Variants in ADCK5 observed in about 807,000 individuals in gnomAD.
The protein encoded by ADCK5 is aarF domain containing kinase 5.
ADCK5 carries 43 observed loss-of-function variants against 64.9 expected under a neutral mutation model. The observed-to-expected ratio is 0.66, with a 90% CI of 0.52 to 0.85. The LOEUF is 0.85. ADCK5 is among the 40% of genes least tolerant of loss of function. The probability of loss-of-function intolerance (pLI) is 0.00; values close to 1 mark genes in which losing one functional copy is unlikely to be tolerated. For synonymous variants in ADCK5, 434 were observed against 342.8 expected, an observed-to-expected ratio of 1.27 and a Z score of -2.94; for missense variants, 760 against 810.5, an observed-to-expected ratio of 0.94 and a Z score of 0.76.
intron 1 of ADCK5, among the ~76,000 whole-genome samples, chr8:144,377,130 C>T (rs1819397412): frequency 6.6e-6 from 1 of 152,268 alleles, no homozygotes; most frequent in African/African-American, 2.4e-5. Context: ...CCTTTCCACC[C>T]AAACCGTGAC....
At chr8:144,375,744 A>C in intron 1 of ADCK5, 1 of 793,678 alleles carries the variant, frequency 1.3e-6, no homozygotes, top group Non-Finnish European at 1.5e-6. Context: ...GACTGCACAC[A>C]CTCACCATAA....
At chr8:144,392,415 C>CCCGG in intron 12 of ADCK5, 30 bp from the exon 13 acceptor site, 3 of 1,320,092 alleles carry the variant, frequency 2.3e-6, no homozygotes, top group Non-Finnish European at 2.9e-6. Context: ...ACTCAGAGCC[C>CCCGG]CCTCCCTCCC....
rs1247231085 is a variant in ADCK5 at position 144,376,514 on chromosome 8, A to AG, written c.12+2408dup. Among the ~76,000 whole-genome samples the AG allele has an allele frequency of 6.6e-6, 1 of 152,184 alleles. No homozygotes were observed. Among genetic ancestry groups the AG allele is most frequent in the African/African-American group, 2.4e-5 (1 of 41,442 alleles). On this transcript the variant is annotated intron_variant, in intron 1 of 14. Coordinates refer to ENST00000308860, the MANE Select transcript of ADCK5 (RefSeq NM_174922.5). This position sits in a 1 kb window ranked among gnomAD's most constrained non-coding sequence, Gnocchi z 5.1. ...GAATGGGAGTGAGAGACGCAGCTGGAGCCCCTTCTGCAATGCTGGTTCCTG... is the reference window on the plus strand; with the variant it reads ...GAATGGGAGTGAGAGACGCAGCTGGAGGCCCCTTCTGCAATGCTGGTTCCTG...
rs1435774355 is a variant in ADCK5, at chr8:144,374,064, C to T, written c.-32C>T. The T allele has an allele frequency of 5.6e-6, 7 of 1,245,988 alleles. No homozygotes were observed. Among genetic ancestry groups the T allele is most frequent in the Non-Finnish European group, 6.1e-6 (6 of 988,418 alleles). The allele number at this position is 1,245,988 out of a possible 1,614,324, so 77.2% of individuals were successfully genotyped here. ...TGGGCTGCGAGACGCTAAGCGGCGC[C>T]GGGCGGGAGAAGAGCGGAGCAGTGG... On this transcript the variant is annotated 5_prime_UTR_variant, in exon 1 of 15. Coordinates refer to ENST00000308860, the MANE Select transcript of ADCK5 (RefSeq NM_174922.5).
chr8:144,392,412 G>GCCCCCCCCCCCCCCCCCCCCCCCCCCC, intron 12 of ADCK5, 33 bp from the exon 13 acceptor site: 1 of 1,475,032 alleles, frequency 6.8e-7, no homozygotes, highest in Non-Finnish European at 9.0e-7. Context: ...CCCACTCAGA[G>GCCCCCCCCCCCCCCCCCCCCCCCCCCC]CCCCCTCCCT....
Position 144,392,639 on chromosome 8 carries a change from C to A in ADCK5, c.1462C>A (p.Arg488Ser), listed in dbSNP as rs1554861422. The A allele has an allele frequency of 6.3e-7, 1 of 1,594,214 alleles. No individual in the cohort carries two copies. The highest frequency in any genetic ancestry group is 8.5e-7 in the Non-Finnish European group (1 of 1,173,186). Residue 488 changes from arginine (R) to serine (S), a missense_variant, in exon 13 of 15, where the codon CGC becomes AGC. Physicochemically the swap from Arg to Ser is moderately radical, Grantham distance 110 (BLOSUM62 -1). Transcript: ENST00000308860. ...GGTGCTGCGCAACATCAACACCGTG[C>A]GCGCTATCAACGTGGCCCTCGGCGC... The part of the protein sequence containing the change: ...LLVLRNINTV[R>S]AINVALGAPV...
intron 3 of ADCK5, among the ~76,000 whole-genome samples, chr8:144,386,908 CTGTT>C (rs1184506821): frequency 3.3e-5 from 5 of 152,250 alleles, no homozygotes; most frequent in Admixed American, 6.5e-5. Flanking sequence ...GGTCAGTCCT[CTGTT>C]TGGGTAAAGT....
In ADCK5 at chr8:144,391,874, C is replaced by T. The variant is rs782160430; in HGVS notation, c.1014+8C>T. On this transcript the variant is annotated splice_region_variant and intron_variant, in intron 9 of 14. Transcript: ENST00000308860. Reference sequence around the variant, plus strand: ...GGGCTGGCAGTGCATGACGTGAGTGCGGGGGGGCGGGGGCGGGTCAGGGCG... The same window carrying T: ...GGGCTGGCAGTGCATGACGTGAGTGTGGGGGGGCGGGGGCGGGTCAGGGCG... 6 of 135,108 alleles carry T rather than the reference C, an allele frequency of 4.4e-5. No homozygotes were observed. The highest frequency in any genetic ancestry group is 1.9e-4 in the East Asian group (1 of 5,390). 8.4% of individuals were successfully genotyped at this position (135,108 alleles called of 1,614,324 possible).
At position 144,392,744 on chromosome 8, in the gene ADCK5, G is replaced by C. The variant is rs558936430; in HGVS notation, c.1521-32G>C. The C allele has an allele frequency of 9.9e-4, 1,576 of 1,586,662 alleles. 32 individuals carry two copies. The South Asian group carries it at 0.017, about 17-fold the overall frequency. ...CCGGGCCGTGGTGGGGCTGGTGTGG[G>C]GCTGACGCGGCGCTAACGCGGGTGT... On this transcript the variant is annotated intron_variant, in intron 13 of 14. Coordinates refer to ENST00000308860, the MANE Select transcript of ADCK5 (RefSeq NM_174922.5).
intron 1 of ADCK5, chr8:144,377,249 T>C (rs1554857314): frequency 6.6e-6 from 1 of 152,216 alleles, no homozygotes; most frequent in East Asian, 1.9e-4. Flanking sequence ...GTGTTTTCTT[T>C]CTTTTTTTTA....
At chr8:144,392,751 G>A (rs781790614) in intron 13 of ADCK5, 25 bp from the exon 14 acceptor site, 2 of 1,586,252 alleles carry the variant, frequency 1.3e-6, no homozygotes, top group East Asian at 2.3e-5. Flanking sequence ...TGGGGCTGAC[G>A]CGGCGCTAAC....
intron 11 of ADCK5, 39 bp from the exon 12 acceptor site, chr8:144,392,215 C>G: frequency 6.5e-7 from 1 of 1,547,612 alleles, no homozygotes; most frequent in Non-Finnish European, 8.7e-7. Flanking sequence ...GCCTCTCCTG[C>G]CGCAGGGAGC....
chr8:144,383,156 C>A lies in ADCK5; in HGVS notation c.192C>A (p.Ala64=). The change falls in exon 3 of 15, where the codon GCC becomes GCA. Residue 64 remains alanine, a synonymous_variant. Transcript: ENST00000308860. ...AVVGAPLLLG[A]RYVMAEAREK... is the part of the protein sequence containing the mutation. Reference sequence around the variant, plus strand: ...TGGGGGCGCCCCTGCTCCTCGGAGCCCGCTATGTCATGGCAGAGGCACGGG... The same window carrying A: ...TGGGGGCGCCCCTGCTCCTCGGAGCACGCTATGTCATGGCAGAGGCACGGG... 6.3e-7 allele frequency: 1 copy of A among 1,596,886 alleles called. No homozygotes were observed. The highest frequency in any genetic ancestry group is 8.5e-7 in the Non-Finnish European group (1 of 1,172,252).
chr8:144,381,794 T>A (rs1819668475), intron 2 of ADCK5, among the ~76,000 whole-genome samples: 1 of 82,062 alleles, frequency 1.2e-5, no homozygotes, highest in Non-Finnish European at 2.5e-5. Flanking sequence ...CACTCAGGAT[T>A]ATGGGCCGGG....
At chr8:144,379,911 G>C (rs1310852070) in intron 2 of ADCK5, among the ~76,000 whole-genome samples, 2 of 152,208 alleles carry the variant, frequency 1.3e-5, no homozygotes, top group Admixed American at 6.5e-5. Context: ...CAGCAAGTCC[G>C]GACCACAGTG....
At position 144,392,430 on chromosome 8, in the gene ADCK5, T is replaced by TCCCCCC; in HGVS notation, c.1268-12_1268-11insCCCCCC. ...ACTCAGAGCCCCCTCCCTCCCTCCC[T>TCCCCCC]CCCTCCCTCCCCAGACTACCTCCTG... On this transcript the variant is annotated splice_polypyrimidine_tract_variant and intron_variant, in intron 12 of 14. Coordinates refer to ENST00000308860, the MANE Select transcript of ADCK5 (RefSeq NM_174922.5). 2.9e-5 allele frequency: 7 copies of TCCCCCC among 237,550 alleles called. No individual in the cohort carries two copies. The highest frequency in any genetic ancestry group is 1.0e-4 in the South Asian group (3 of 28,918). The allele number at this position is 237,550 out of a possible 1,614,324, so 14.7% of individuals were successfully genotyped here.
intron 3 of ADCK5, among the ~76,000 whole-genome samples, chr8:144,385,536 CT>C (rs1819878725): frequency 6.6e-6 from 1 of 150,902 alleles, no homozygotes; most frequent in African/African-American, 2.4e-5. Context: ...ATCCCAGCTA[CT>C]TTGAGAGGCT....
chr8:144,379,079 A>G (rs1819491129), intron 1 of ADCK5, among the ~76,000 whole-genome samples: 1 of 151,652 alleles, frequency 6.6e-6, no homozygotes, highest in South Asian at 2.1e-4. Context: ...GATTACGTAC[A>G]TGCACCACTA....
chr8:144,391,987 C>A lies in ADCK5; in HGVS notation c.1061C>A (p.Thr354Asn). Reference sequence around the variant, plus strand: ...GCCTTTGCTGAGCAGATATTTTACACCGGCTTCATCCACTCGGACCCACAT... The same window carrying A: ...GCCTTTGCTGAGCAGATATTTTACAACGGCTTCATCCACTCGGACCCACAT... ...IKAFAEQIFY[T>N]GFIHSDPHPG... is the part of the protein sequence containing the mutation. The change falls in exon 10 of 15, where the codon ACC becomes AAC. Residue 354 changes from threonine to asparagine, a missense_variant. Transcript: ENST00000308860. 6.2e-7 allele frequency: 1 copy of A among 1,612,782 alleles called. No individual in the cohort carries two copies. The highest frequency in any genetic ancestry group is 8.5e-7 in the Non-Finnish European group (1 of 1,179,984).
Sources: gnomAD v4.1 joint callset for allele counts (sites outside exome capture counted in the v4.1 genomes callset) on GRCh38, gnomAD v4.1.1 for gene constraint, Gnocchi (gnomAD v3.1) non-coding constraint, MANE v1.5 for transcripts, NCBI Gene and HGNC (gene_info 2026-07-23, HGNC 2026-07-21) for gene names.